GSE1: variants seen among roughly 807,000 people sequenced by gnomAD.
GSE1 encodes Gse1 coiled-coil protein, also known as genetic suppressor element 1.
A neutral mutation model predicts 112.6 loss-of-function variants in GSE1; 32 were observed. The ratio of observed to expected loss-of-function variants is 0.28; its 90% CI spans 0.21 to 0.38. GSE1 has a LOEUF of 0.38. GSE1 is among the 10% of genes least tolerant of loss of function. GSE1 has a pLI of 1.00. For missense variants in GSE1, 2,348 were observed against 1,699.2 expected (o/e 1.38, Z -6.71); for synonymous variants, 1,115 against 735.6 (o/e 1.52, Z -8.35).
At chr16:85,313,988 A>C (rs940074406) in intron 1 of GSE1, among the ~76,000 whole-genome samples, 2 of 135,860 alleles carry the variant, frequency 1.5e-5, no homozygotes, top group African/African-American at 6.5e-5. Flanking sequence ...TAGTGTGTGT[A>C]TGTGTGTGTG....
intron 1 of GSE1, among the ~76,000 whole-genome samples, chr16:85,345,711 C>G (rs1389720259): frequency 6.6e-6 from 1 of 152,190 alleles, no homozygotes; most frequent in Non-Finnish European, 1.5e-5. Flanking sequence ...TTTGTTTATT[C>G]ATACTCATGT....
At chr16:85,666,630 C>A in intron 13 of GSE1, 1 of 439,168 alleles carries the variant, frequency 2.3e-6, no homozygotes, top group Non-Finnish European at 4.1e-6. Flanking sequence ...GGAGTGAACG[C>A]CGACAGGCAT....
At chr16:85,320,308 G>A (rs768737044) in intron 1 of GSE1, among the ~76,000 whole-genome samples, 24 of 152,154 alleles carry the variant, frequency 1.6e-4, no homozygotes, top group Admixed American at 3.9e-4. Context: ...TTTTCCTTTC[G>A]CTCACGCAGA....
intron 2 of GSE1, among the ~76,000 whole-genome samples, chr16:85,455,020 T>A (rs1265021288): frequency 6.6e-6 from 1 of 152,228 alleles, no homozygotes; most frequent in Non-Finnish European, 1.5e-5. Context: ...AGGCACCTTA[T>A]GTTCTGTTTC....
chr16:85,287,556 C>T (rs910884700), intron 1 of GSE1, among the ~76,000 whole-genome samples: 58 of 152,128 alleles, frequency 3.8e-4, no homozygotes, highest in African/African-American at 1.3e-3. Flanking sequence ...GCCTTTGTAC[C>T]CGCTGCCCCC....
At chr16:85,555,481 C>A, upstream of GSE1, 1 of 985,122 alleles carries the variant, frequency 1.0e-6, no homozygotes, top group Non-Finnish European at 1.2e-6. Context: ...TTTGCAATCG[C>A]CGCCTCTTTT....
intron 1 of GSE1, chr16:85,583,717 C>G (rs2046556619): frequency 6.6e-6 from 1 of 152,114 alleles, no homozygotes; most frequent in South Asian, 2.1e-4. Context: ...TTGTCTTTAC[C>G]CACTGCCAAA....
chr16:85,194,097 T>C (rs909413141), intron 1 of GSE1, among the ~76,000 whole-genome samples: 1 of 152,226 alleles, frequency 6.6e-6, no homozygotes, highest in Non-Finnish European at 1.5e-5. Context: ...AGCTCGACTC[T>C]GACTCAACGA....
chr16:85,356,746 C>A (rs1018692435), intron 1 of GSE1, among the ~76,000 whole-genome samples: 2 of 152,238 alleles, frequency 1.3e-5, no homozygotes, highest in African/African-American at 4.8e-5. Context: ...CCTGCCTCAG[C>A]CTCCCAAAGT....
At chr16:85,437,025 C>G (rs891105462) in intron 2 of GSE1, among the ~76,000 whole-genome samples, 3 of 152,188 alleles carry the variant, frequency 2.0e-5, no homozygotes, top group African/African-American at 7.2e-5. Flanking sequence ...CCCTCCCCAG[C>G]GACTTTTGGC....
intron 1 of GSE1, among the ~76,000 whole-genome samples, chr16:85,621,515 T>C (rs1243460123): frequency 2.0e-5 from 3 of 152,220 alleles, no homozygotes; most frequent in East Asian, 1.9e-4. Context: ...TATAAGACTT[T>C]ATAGGACTAA....
intron 1 of GSE1, among the ~76,000 whole-genome samples, chr16:85,582,638 G>A (rs1051667515): frequency 6.6e-6 from 1 of 152,180 alleles, no homozygotes; most frequent in Non-Finnish European, 1.5e-5. Flanking sequence ...CCCTTACGCA[G>A]CCGCCTGGGG....
intron 2 of GSE1, among the ~76,000 whole-genome samples, chr16:85,509,138 C>T (rs997396865): frequency 1.2e-4 from 18 of 152,308 alleles, no homozygotes; most frequent in African/African-American, 4.3e-4. Flanking sequence ...GAAGGCCGGG[C>T]AGAGCGGGGT....
In GSE1 at chr16:85,431,772, GC is replaced by G. The variant is rs1597735076; in HGVS notation, c.2464+74135del. ...GTATCTGGGCCGCCTTGCCTCCCTGGCCCCCCAGCCACCCACGCACCCTCTC... is the reference window on the plus strand; with the variant it reads ...GTATCTGGGCCGCCTTGCCTCCCTGGCCCCCAGCCACCCACGCACCCTCTC... On this transcript the variant is annotated intron_variant, in intron 2 of 2. Coordinates refer to the GSE1 transcript ENST00000637419. Among the ~76,000 whole-genome samples, 3 of 152,160 alleles carry G rather than the reference GC, an allele frequency of 2.0e-5. No homozygotes were observed. In the East Asian group the frequency reaches 5.8e-4, roughly 29 times the overall value.
In GSE1 at chr16:85,655,794, T is replaced by G; in HGVS notation, c.866T>G (p.Leu289Arg). Residue 289 changes from leucine (L) to arginine (R), a missense_variant, in exon 6 of 16, where the codon CTG (leucine) becomes CGG (arginine). Coordinates refer to ENST00000253458, the MANE Select transcript of GSE1 (RefSeq NM_014615.5). The stretch of plus-strand genomic sequence containing the variant: ...TACCCCATCCCCACCCCCGGCTCCC[T>G]GCCCCCACTGCACCCATCAGCGATG... ...PFYPIPTPGSLPPLHPSAMHL... is the reference protein window; with the variant it reads ...PFYPIPTPGSRPPLHPSAMHL... 10 of 1,279,586 alleles carry G rather than the reference T, an allele frequency of 7.8e-6. No homozygotes were observed. Among genetic ancestry groups the G allele is most frequent in the Non-Finnish European group, 1.0e-5 (9 of 895,708 alleles). 79.3% of individuals were successfully genotyped at this position (1,279,586 alleles called of 1,614,324 possible). A position where few individuals can be genotyped will look rare whatever the true frequency, so the allele number is the denominator to read the frequency against.
intron 1 of GSE1, among the ~76,000 whole-genome samples, chr16:85,195,818 A>AC (rs777083592): frequency 1.4e-4 from 22 of 152,174 alleles, no homozygotes; most frequent in Non-Finnish European, 2.5e-4. Context: ...TCAGCAGCCT[A>AC]ATTCCATTTA....
intron 2 of GSE1, among the ~76,000 whole-genome samples, chr16:85,543,689 C>A (rs1040773146): frequency 2.0e-5 from 3 of 152,146 alleles, no homozygotes; most frequent in African/African-American, 4.8e-5. Context: ...AAAGCTGGGG[C>A]CAAGAGAGGG....
At chr16:85,532,676 G>T (rs903034388) in intron 2 of GSE1, among the ~76,000 whole-genome samples, 1 of 152,212 alleles carries the variant, frequency 6.6e-6, no homozygotes, top group African/African-American at 2.4e-5. Flanking sequence ...TCTGAGCAGA[G>T]CCCCCAGGCT....
At chr16:85,404,194 G>A (rs1373512735) in intron 2 of GSE1, among the ~76,000 whole-genome samples, 15 of 88,240 alleles carry the variant, frequency 1.7e-4, no homozygotes, top group African/African-American at 6.8e-4. Context: ...GTTACACTCA[G>A]GGCCCCCCTG....
Sources: allele counts gnomAD v4.1 joint callset (sites outside exome capture counted in the v4.1 genomes callset), GRCh38; gene constraint gnomAD v4.1.1; transcripts MANE v1.5; gene names NCBI Gene and HGNC (gene_info 2026-07-23, HGNC 2026-07-21).